Variants in USP8 observed in about 807,000 individuals in gnomAD.
USP8 encodes the protein ubiquitin carboxyl-terminal hydrolase 8.
Under a neutral mutation model 130.0 loss-of-function variants are expected in USP8, and 27 were observed. That is an observed-to-expected ratio of 0.21 (90% CI 0.15 to 0.29). USP8 has a LOEUF of 0.29. USP8 is among the 10% of genes least tolerant of loss of function. USP8 has a pLI of 1.00. For synonymous variants in USP8, 392 were observed against 444.1 expected (o/e 0.88, Z 1.48); for missense variants, 1,029 against 1,312.2 (o/e 0.78, Z 3.33).
In USP8 at chr15:50,498,596, T is replaced by G; in HGVS notation, c.3039T>G (p.Arg1013=). ...LPPVLLVHLK[R]FSYDGRWKQK... ...GTAATTGTAATGTTTTGTTCTGCAG[T>G]TTTTCCTACGATGGCAGGTGGAAAC... Residue 1013 remains arginine (R), a splice_region_variant and synonymous_variant, in exon 19 of 20, where the codon CGT becomes CGG. Coordinates refer to ENST00000307179, the MANE Select transcript of USP8 (RefSeq NM_005154.5). 1 of 1,606,336 alleles carries G rather than the reference T, an allele frequency of 6.2e-7. No homozygotes were observed. The highest frequency in any genetic ancestry group is 8.5e-7 in the Non-Finnish European group (1 of 1,177,390).
At chr15:50,479,666 A>T (rs911910162) in intron 10 of USP8, among the ~76,000 whole-genome samples, 1 of 152,128 alleles carries the variant, frequency 6.6e-6, no homozygotes, top group Non-Finnish European at 1.5e-5. Flanking sequence ...TCTCAAATAC[A>T]TGCAAAAAAA....
chr15:50,439,655 T>A (rs1326533680), intron 2 of USP8, among the ~76,000 whole-genome samples: 3 of 150,814 alleles, frequency 2.0e-5, no homozygotes, highest in Non-Finnish European at 4.4e-5. Context: ...CCGGGCGTGG[T>A]GGCGCACATC....
intron 1 of USP8, among the ~76,000 whole-genome samples, chr15:50,432,935 G>A (rs1437654130): frequency 2.0e-5 from 3 of 152,096 alleles, no homozygotes; most frequent in Non-Finnish European, 4.4e-5. Flanking sequence ...AATACTTGAG[G>A]ATTACTTTAA....
chr15:50,512,872 A>C lies in USP8; in HGVS notation c.*13784A>C, dbSNP rs565197241. 1 of 152,280 alleles carries C rather than the reference A, an allele frequency of 6.6e-6. No individual in the cohort carries two copies. The highest frequency in any genetic ancestry group is 2.4e-5 in the African/African-American group (1 of 41,570). The allele number at this position is 152,280 out of a possible 1,614,324, so 9.4% of individuals were successfully genotyped here. A position where few individuals can be genotyped will look rare whatever the true frequency, so the allele number is the denominator to read the frequency against. ...TTCTGTGGTATGTGAACTATCTCTAAGAACTTCTTTTTATTTAAGTTGGGA... is the reference window on the plus strand; with the variant it reads ...TTCTGTGGTATGTGAACTATCTCTACGAACTTCTTTTTATTTAAGTTGGGA... On this transcript the variant is annotated 3_prime_UTR_variant, in exon 20 of 20. Coordinates refer to ENST00000307179, the MANE Select transcript of USP8 (RefSeq NM_005154.5).
chr15:50,454,925 A>G (rs1209516627), intron 4 of USP8, among the ~76,000 whole-genome samples: 1 of 151,792 alleles, frequency 6.6e-6, no homozygotes, highest in Non-Finnish European at 1.5e-5. Flanking sequence ...CTAAAGGCAC[A>G]CACCTCTGCT....
chr15:50,439,790 CAATAATAAT>C (rs57780466), intron 2 of USP8, among the ~76,000 whole-genome samples: 5,223 of 133,510 alleles, frequency 0.039, 306 homozygotes, highest in African/African-American at 0.12. Flanking sequence ...AACTCTGTCT[CAATAATAAT>C]AATAATAATA....
Position 50,492,892 on chromosome 15 carries a change from G to C in USP8, c.2426G>C (p.Cys809Ser). Residue 809 changes from cysteine to serine, a missense_variant, in exon 15 of 20, where the codon TGT becomes TCT. Physicochemically the swap from Cys to Ser is moderately radical, Grantham distance 112 (BLOSUM62 -1). Transcript: ENST00000307179. ...TTGGCTGATTATTTCAACCGAAACTGTTATCAGGATGATATTAACAGGTAA... is the reference window on the plus strand; with the variant it reads ...TTGGCTGATTATTTCAACCGAAACTCTTATCAGGATGATATTAACAGGTAA... ...PHLADYFNRN[C>S]YQDDINRSNL... is the part of the protein sequence containing the mutation. 6.2e-7 allele frequency: 1 copy of C among 1,613,916 alleles called. No homozygotes were observed. The highest frequency in any genetic ancestry group is 1.1e-5 in the South Asian group (1 of 91,070).
rs1017095464 is a variant in USP8 at position 50,436,525 on chromosome 15, A to G, written c.-65-2484A>G. On this transcript the variant is annotated intron_variant, in intron 1 of 19. Coordinates refer to ENST00000307179, the MANE Select transcript of USP8 (RefSeq NM_005154.5). ...TTTTTTGTTTTGTTTTTGAGACGGA[A>G]TCTCACTTTGTTGCCCAGGCTGGAG... Among the ~76,000 whole-genome samples the G allele has an allele frequency of 5.3e-5, 8 of 152,070 alleles. 1 individual carries two copies. The highest frequency in any genetic ancestry group is 8.8e-5 in the Non-Finnish European group (6 of 68,006).
chr15:50,444,899 A>G (rs1000250720), intron 3 of USP8, among the ~76,000 whole-genome samples: 1 of 152,046 alleles, frequency 6.6e-6, no homozygotes, highest in Admixed American at 6.6e-5. Context: ...CTGGGAGTAC[A>G]GACACGCACC....
At chr15:50,485,241 C>T (rs894399965) in intron 12 of USP8, among the ~76,000 whole-genome samples, 3 of 151,700 alleles carry the variant, frequency 2.0e-5, no homozygotes, top group African/African-American at 2.4e-5. Context: ...GTCAGGAGAT[C>T]GAGATCATCC....
At chr15:50,486,246 G>A (rs1454119240) in intron 12 of USP8, among the ~76,000 whole-genome samples, 5 of 152,204 alleles carry the variant, frequency 3.3e-5, no homozygotes, top group African/African-American at 1.2e-4. Flanking sequence ...ACTTTGGGAG[G>A]CTGAGGCAGG....
chr15:50,467,586 T>G (rs1351806872), intron 7 of USP8, among the ~76,000 whole-genome samples: 3 of 152,196 alleles, frequency 2.0e-5, no homozygotes, highest in African/African-American at 7.2e-5. Context: ...AGACAGGGTC[T>G]CACTCTGTGC....
chr15:50,501,363 A>G lies in USP8; in HGVS notation c.*2275A>G, dbSNP rs1400575914. ...GTGGTGCACACCTGTAGTCCCAGCT[A>G]CTTGGGAAGTTGGGGTGGGAGGATC... On this transcript the variant is annotated 3_prime_UTR_variant, in exon 20 of 20. Transcript: ENST00000307179. 6.6e-6 allele frequency: 1 copy of G among 151,474 alleles called. No individual in the cohort carries two copies. Among genetic ancestry groups the G allele is most frequent in the Non-Finnish European group, 1.5e-5 (1 of 68,244 alleles). 9.4% of individuals were successfully genotyped at this position (151,474 alleles called of 1,614,324 possible).
At chr15:50,466,992 C>A in intron 7 of USP8, 1 of 499,758 alleles carries the variant, frequency 2.0e-6, no homozygotes, top group South Asian at 2.5e-5. Context: ...TATGAGAATC[C>A]ACAAACAACT....
At position 50,424,697 on chromosome 15, in the gene USP8, T is replaced by C. The variant is rs1269393047; in HGVS notation, c.-66+183T>C. The C allele has an allele frequency of 7.6e-6, 3 of 392,464 alleles. No individual in the cohort carries two copies. The Admixed American group carries it at 1.3e-4, about 17-fold the overall frequency. The allele number at this position is 392,464 out of a possible 1,614,324, so 24.3% of individuals were successfully genotyped here. A position where few individuals can be genotyped will look rare whatever the true frequency, so the allele number is the denominator to read the frequency against. The stretch of plus-strand genomic sequence containing the variant: ...AGAGGAAAGGCCCAACCTTGAGTCT[T>C]TTACGCCATCTACCTAGGATTGCCA... On this transcript the variant is annotated intron_variant, in intron 1 of 19. Coordinates refer to ENST00000307179, the MANE Select transcript of USP8 (RefSeq NM_005154.5).
intron 3 of USP8, among the ~76,000 whole-genome samples, chr15:50,445,634 A>G (rs2050409206): frequency 7.0e-6 from 1 of 143,250 alleles, no homozygotes; most frequent in Non-Finnish European, 1.5e-5. Context: ...GGTGGATCAC[A>G]AGGTCAGGAG....
At chr15:50,441,131 A>G (rs2050246032) in intron 2 of USP8, among the ~76,000 whole-genome samples, 1 of 152,104 alleles carries the variant, frequency 6.6e-6, no homozygotes, top group Admixed American at 6.6e-5. Flanking sequence ...TAATGCGAGC[A>G]ATGGGGAGTG....
chr15:50,430,522 C>T (rs1223760332), intron 1 of USP8, among the ~76,000 whole-genome samples: 2 of 151,970 alleles, frequency 1.3e-5, no homozygotes, highest in African/African-American at 4.8e-5. Flanking sequence ...CTCAGCCTTC[C>T]GAGAAGCTGG....
At chr15:50,432,581 C>T (rs1054114496) in intron 1 of USP8, 2 of 152,254 alleles carry the variant, frequency 1.3e-5, no homozygotes, top group Non-Finnish European at 2.9e-5. Flanking sequence ...CCCCAATCAG[C>T]ACTGGTCATT....
Sources: gnomAD v4.1 joint callset for allele counts (sites outside exome capture counted in the v4.1 genomes callset) on GRCh38, gnomAD v4.1.1 for gene constraint, MANE v1.5 for transcripts, NCBI Gene and HGNC (gene_info 2026-07-23, HGNC 2026-07-21) for gene names.